Variants in PCNX3 observed in about 807,000 individuals in gnomAD.
PCNX3 encodes the protein pecanex-like protein 3.
Under a neutral mutation model 207.2 loss-of-function variants are expected in PCNX3, and 58 were observed. The ratio of observed to expected loss-of-function variants is 0.28; its 90% CI spans 0.23 to 0.35. PCNX3 has a LOEUF of 0.35. Among genes scored for constraint, PCNX3 ranks in the 10% least tolerant of loss-of-function variants. PCNX3 has a pLI of 1.00. For synonymous variants in PCNX3, 1,337 were observed against 1,183.5 expected, an observed-to-expected ratio of 1.13 and a Z score of -2.66; for missense variants, 2,410 against 2,774.4, an observed-to-expected ratio of 0.87 and a Z score of 2.95.
Position 65,619,858 on chromosome 11 carries a change from G to T in PCNX3, c.1934G>T (p.Gly645Val). The change falls in exon 8 of 35, where the codon GGT becomes GTT. Residue 645 changes from glycine (G) to valine (V), a missense_variant. Physicochemically the swap from Gly to Val is moderately radical, Grantham distance 109 (BLOSUM62 -3). Around this residue, in one of 8 missense-constraint regions of PCNX3, gnomAD observed 1,104 missense variants for 970.3 expected, o/e 1.14. Coordinates refer to ENST00000355703, the MANE Select transcript of PCNX3 (RefSeq NM_032223.4). ...FASSLLLTRA[G>V]ANVHEACTFD... The stretch of plus-strand genomic sequence containing the variant: ...TCTTCACTGTTGCTCACCCGGGCCG[G>T]TGCCAATGTGCATGAGGCCTGCACC... 6.2e-7 allele frequency: 1 copy of T among 1,610,544 alleles called. No homozygotes were observed. The highest frequency in any genetic ancestry group is 1.3e-5 in the African/African-American group (1 of 75,060).
At chr11:65,621,105 C>G in intron 10 of PCNX3, 139 bp downstream of exon 10, 2 of 1,154,986 alleles carry the variant, frequency 1.7e-6, no homozygotes, top group Non-Finnish European at 2.4e-6. Context: ...AGGGGCCCTA[C>G]TGTGTCTGTC....
chr11:65,619,437 C>G, intron 6 of PCNX3, 100 bp from the exon 7 acceptor site: 1 of 1,515,214 alleles, frequency 6.6e-7, no homozygotes, highest in East Asian at 2.3e-5. Context: ...CGTGGTTGTA[C>G]TAGGCCTTTA....
At position 65,635,500 on chromosome 11, in the gene PCNX3, G is replaced by GC; in HGVS notation, c.5185-24dup. The stretch of plus-strand genomic sequence containing the variant: ...CCCTGCCCCAAACCCCCTTGGGCCG[G>GC]CCCCCTGACCCTGGCGTGTGGCTCT... On this transcript the variant is annotated intron_variant, in intron 31 of 34. Coordinates refer to ENST00000355703, the MANE Select transcript of PCNX3 (RefSeq NM_032223.4). The surrounding 1 kb of genome is among the most constrained non-coding windows in gnomAD (Gnocchi z 9.9). 1 of 1,606,968 alleles carries GC rather than the reference G, an allele frequency of 6.2e-7. No individual in the cohort carries two copies. Among genetic ancestry groups the GC allele is most frequent in the Non-Finnish European group, 8.5e-7 (1 of 1,177,898 alleles).
chr11:65,621,035 C>T, intron 10 of PCNX3, 69 bp downstream of exon 10: 1 of 1,467,990 alleles, frequency 6.8e-7, no homozygotes, highest in African/African-American at 1.4e-5. Flanking sequence ...TGAGTCCGGC[C>T]TGCATAGAGA....
In PCNX3 at chr11:65,634,179, T is replaced by C. The variant is rs778014048; in HGVS notation, c.4524T>C (p.His1508=). ...CAAAGCTGGAGGTGTGGCTCAGCCATGAGGGCATCACGGCAGCCCTGAGGC... is the reference window on the plus strand; with the variant it reads ...CAAAGCTGGAGGTGTGGCTCAGCCACGAGGGCATCACGGCAGCCCTGAGGC... ...RSPKLEVWLS[H]EGITAALRPV... is the part of the protein sequence containing the mutation. The change falls in exon 28 of 35, where the codon CAT becomes CAC. Residue 1508 remains histidine (H), a synonymous_variant. Transcript: ENST00000355703. The C allele has an allele frequency of 7.4e-6, 12 of 1,613,488 alleles. No homozygotes were observed. The Admixed American group carries it at 1.7e-4, about 22-fold the overall frequency.
chr11:65,621,365 C>T (rs991520424), intron 10 of PCNX3, among the ~76,000 whole-genome samples: 11 of 152,194 alleles, frequency 7.2e-5, no homozygotes, highest in Admixed American at 2.0e-4. Context: ...GTTAACACTT[C>T]CTGTCTCAGT....
chr11:65,633,153 C>T (rs1855682688), intron 27 of PCNX3, among the ~76,000 whole-genome samples: 1 of 152,214 alleles, frequency 6.6e-6, no homozygotes, highest in Non-Finnish European at 1.5e-5. Flanking sequence ...TGGCAAAGGG[C>T]CTGCCCCATT....
chr11:65,619,456 G>A, intron 6 of PCNX3, 81 bp from the exon 7 acceptor site: 1 of 1,550,422 alleles, frequency 6.4e-7, no homozygotes. Context: ...TAGCTCCCTG[G>A]CGGAACACCG....
chr11:65,629,781 T>C, intron 26 of PCNX3, 46 bp downstream of exon 26: 2 of 1,532,444 alleles, frequency 1.3e-6, no homozygotes, highest in South Asian at 1.2e-5. Context: ...AGCTCGGGCC[T>C]GATGTGGGAG....
Position 65,618,406 on chromosome 11 carries a change from A to C in PCNX3, c.1044A>C (p.Ser348=). The C allele has an allele frequency of 6.2e-7, 1 of 1,612,616 alleles. No individual in the cohort carries two copies. ...DPPSEAELPA[S]PDAGVPSDDT... ...CCTCTGAGGCTGAGCTGCCTGCCTC[A>C]CCAGACGCCGGGGTCCCCTCAGATG... The change falls in exon 6 of 35, where the codon TCA becomes TCC. Residue 348 remains serine, a synonymous_variant. Coordinates refer to ENST00000355703, the MANE Select transcript of PCNX3 (RefSeq NM_032223.4).
At position 65,622,309 on chromosome 11, in the gene PCNX3, C is replaced by T. The variant is rs992998045; in HGVS notation, c.2300C>T (p.Pro767Leu). 5 of 1,597,110 alleles carry T rather than the reference C, an allele frequency of 3.1e-6. No homozygotes were observed. In the South Asian group the frequency reaches 3.4e-5, roughly 11 times the overall value. The change falls in exon 11 of 35, where the codon CCT (proline) becomes CTT (leucine). Residue 767 changes from proline to leucine, a missense_variant. By Grantham distance (98) the Pro-to-Leu change is moderately conservative (BLOSUM62 -3). Transcript: ENST00000355703. ...AQHSYKYWLL[P>L]GRWTSVRYER... ...CATAGTTACAAGTACTGGCTTCTCC[C>T]TGGCCGCTGGACCTCTGTGCGCTAT...
chr11:65,620,739 A>C, intron 9 of PCNX3, 92 bp from the exon 10 acceptor site: 2 of 1,512,394 alleles, frequency 1.3e-6, no homozygotes, highest in Non-Finnish European at 1.8e-6. Flanking sequence ...CGGCACAGAC[A>C]GCCCTACCTG....
At chr11:65,621,289 A>G (rs1003154621) in intron 10 of PCNX3, among the ~76,000 whole-genome samples, 35 of 152,214 alleles carry the variant, frequency 2.3e-4, no homozygotes, top group Non-Finnish European at 2.5e-4. Flanking sequence ...GTTAGCAAGC[A>G]GGGACCCTGT....
At chr11:65,630,977 C>T (rs973145902) in intron 27 of PCNX3, among the ~76,000 whole-genome samples, 1 of 152,234 alleles carries the variant, frequency 6.6e-6, no homozygotes, top group Non-Finnish European at 1.5e-5. Context: ...GCTGCTTGAG[C>T]AGTAACATTT....
chr11:65,632,452 C>T (rs1855654562), intron 27 of PCNX3, among the ~76,000 whole-genome samples: 1 of 149,960 alleles, frequency 6.7e-6, no homozygotes, highest in South Asian at 2.2e-4. Flanking sequence ...GTGGGAGTTA[C>T]TGGGCTCTCA....
intron 22 of PCNX3, among the ~76,000 whole-genome samples, chr11:65,628,267 T>A (rs1296144938): frequency 6.6e-6 from 1 of 152,252 alleles, no homozygotes; most frequent in African/African-American, 2.4e-5. Context: ...CCTAGTGGCG[T>A]GACCTGAGGA....
At chr11:65,620,025 G>C in intron 8 of PCNX3, 93 bp downstream of exon 8, 1 of 1,308,242 alleles carries the variant, frequency 7.6e-7, no homozygotes, top group East Asian at 2.5e-5. Context: ...CGGCCCTGTG[G>C]CAGGTACACT....
In PCNX3 at chr11:65,636,778, C is replaced by G; in HGVS notation, c.5905C>G (p.Leu1969Val). The G allele has an allele frequency of 6.5e-7, 1 of 1,535,854 alleles. No homozygotes were observed. Among genetic ancestry groups the G allele is most frequent in the Non-Finnish European group, 8.8e-7 (1 of 1,142,802 alleles). ...CCCCCTCCCCCAGGCGCCTCTAGAC[C>G]TCAGCCTCAGCCTCAGCCTCAGCCT... ...GTPKSQAPLDLSLSLSLSLSP... is the reference protein window; with the variant it reads ...GTPKSQAPLDVSLSLSLSLSP... Residue 1969 changes from leucine to valine, a missense_variant, in exon 35 of 35, where the codon CTC becomes GTC. This residue lies in a region of PCNX3 where 278 missense variants were observed against 245.1 expected (regional missense o/e 1.13). Transcript: ENST00000355703.
Position 65,627,426 on chromosome 11 carries a change from C to T in PCNX3, c.3546C>T (p.Thr1182=), listed in dbSNP as rs747768738. 5.6e-6 allele frequency: 9 copies of T among 1,611,118 alleles called. No individual in the cohort carries two copies. Among genetic ancestry groups the T allele is most frequent in the East Asian group, 4.5e-5 (2 of 44,870 alleles). The change falls in exon 22 of 35, where the codon ACC becomes ACT. Residue 1182 remains threonine, a synonymous_variant. Transcript: ENST00000355703. ...YCFYCRALLM[T]VAGLKLLRSA... Reference sequence around the variant, plus strand: ...ACAGCTGCCGGGCGCTGCTGATGACCGTGGCTGGGCTGAAGCTGCTGCGCT... The same window carrying T: ...ACAGCTGCCGGGCGCTGCTGATGACTGTGGCTGGGCTGAAGCTGCTGCGCT...
Sources: gnomAD v4.1 joint callset for allele counts (sites outside exome capture counted in the v4.1 genomes callset) on GRCh38, gnomAD v4.1.1 for gene constraint, gnomAD v4.1.1 regional missense constraint, Gnocchi (gnomAD v3.1) non-coding constraint, MANE v1.5 for transcripts, NCBI Gene and HGNC (gene_info 2026-07-23, HGNC 2026-07-21) for gene names.